The following NIBAN1 variants were observed in gnomAD, a reference collection of about 807,000 sequenced individuals.
NIBAN1 encodes the protein protein Niban 1.
Under a neutral mutation model 75.1 loss-of-function variants are expected in NIBAN1, and 81 were observed. The ratio of observed to expected loss-of-function variants is 1.08; its 90% CI spans 0.90 to 1.30. The LOEUF (loss-of-function observed/expected upper bound fraction) is 1.30, where lower values mean the gene tolerates loss of function less well. Among genes scored for constraint, NIBAN1 ranks in the 50% most tolerant of loss-of-function variants. The probability of loss-of-function intolerance (pLI) is 0.00; values close to 1 mark genes in which losing one functional copy is unlikely to be tolerated. For missense variants in NIBAN1, 1,133 were observed against 1,128.1 expected, an observed-to-expected ratio of 1.00 and a Z score of -0.06; for synonymous variants, 436 against 424.8, an observed-to-expected ratio of 1.03 and a Z score of -0.32.
chr1:184,840,283 A>T (rs1655247375), intron 5 of NIBAN1, among the ~76,000 whole-genome samples: 1 of 152,206 alleles, frequency 6.6e-6, no homozygotes, highest in Non-Finnish European at 1.5e-5. Context: ...TATATTTTAT[A>T]AACTATAATA....
intron 9 of NIBAN1, among the ~76,000 whole-genome samples, chr1:184,817,148 G>A (rs1269729738): frequency 6.6e-6 from 1 of 152,134 alleles, no homozygotes; most frequent in Non-Finnish European, 1.5e-5. Flanking sequence ...CCTTGTGATA[G>A]TTGGCTGAAA....
chr1:184,897,878 C>A (rs1160357141), intron 2 of NIBAN1, among the ~76,000 whole-genome samples: 1 of 152,182 alleles, frequency 6.6e-6, no homozygotes, highest in Non-Finnish European at 1.5e-5. Flanking sequence ...ATGACCATCA[C>A]CACCCCAGTC....
chr1:184,935,616 T>C (rs991639690), intron 1 of NIBAN1, among the ~76,000 whole-genome samples: 1 of 152,232 alleles, frequency 6.6e-6, no homozygotes, highest in Admixed American at 6.5e-5. Context: ...GAAATATATA[T>C]ATTTTTTTAA....
intron 2 of NIBAN1, among the ~76,000 whole-genome samples, chr1:184,895,044 T>C (rs1345900340): frequency 6.6e-6 from 1 of 152,116 alleles, no homozygotes; most frequent in African/African-American, 2.4e-5. Flanking sequence ...CTTCAGAAAC[T>C]TACCCCTCTA....
intron 5 of NIBAN1, among the ~76,000 whole-genome samples, chr1:184,873,782 A>C (rs928947868): frequency 1.3e-5 from 2 of 152,194 alleles, no homozygotes; most frequent in Non-Finnish European, 2.9e-5. Context: ...GTAAATAATG[A>C]CATTAAATAA....
intron 5 of NIBAN1, among the ~76,000 whole-genome samples, chr1:184,875,611 A>AGGCT (rs1433740608): frequency 2.6e-5 from 4 of 152,220 alleles, no homozygotes; most frequent in Non-Finnish European, 5.9e-5. Context: ...CTTCTGCCAC[A>AGGCT]GGCTGTTCAT....
chr1:184,877,606 G>T (rs1442837113), intron 5 of NIBAN1, among the ~76,000 whole-genome samples: 1 of 152,096 alleles, frequency 6.6e-6, no homozygotes, highest in Non-Finnish European at 1.5e-5. Flanking sequence ...AATAACAACA[G>T]ATGAGAATTT....
At chr1:184,851,180 C>T (rs1655526665) in intron 5 of NIBAN1, among the ~76,000 whole-genome samples, 1 of 6,352 alleles carries the variant, frequency 1.6e-4, no homozygotes, top group Non-Finnish European at 2.6e-4. Context: ...CACATGCACA[C>T]GTATGTTTAT....
At chr1:184,916,466 T>C (rs997256463) in intron 1 of NIBAN1, among the ~76,000 whole-genome samples, 14 of 150,326 alleles carry the variant, frequency 9.3e-5, no homozygotes, top group Non-Finnish European at 1.3e-4. Flanking sequence ...ACTACCACAG[T>C]AGATGGGGAA....
At chr1:184,961,654 C>T (rs1359919008) in intron 1 of NIBAN1, among the ~76,000 whole-genome samples, 1 of 152,186 alleles carries the variant, frequency 6.6e-6, no homozygotes, top group African/African-American at 2.4e-5. Flanking sequence ...AGAGAAATGG[C>T]TCTAACCCCA....
At chr1:184,871,427 AG>A (rs1656108368) in intron 5 of NIBAN1, among the ~76,000 whole-genome samples, 2 of 151,922 alleles carry the variant, frequency 1.3e-5, no homozygotes, top group South Asian at 4.2e-4. Context: ...GGGAGGATGA[AG>A]GCATGGATCA....
intron 5 of NIBAN1, among the ~76,000 whole-genome samples, chr1:184,860,228 C>T (rs1655780657): frequency 7.6e-6 from 1 of 130,874 alleles, no homozygotes; most frequent in African/African-American, 2.9e-5. Context: ...GTATGCAAAG[C>T]TGTAGGCAGG....
chr1:184,837,307 C>T (rs145523337), intron 5 of NIBAN1, among the ~76,000 whole-genome samples: 1 of 152,268 alleles, frequency 6.6e-6, no homozygotes, highest in East Asian at 1.9e-4. Context: ...AGCTATCAGC[C>T]CAAACTCTAC....
intron 1 of NIBAN1, among the ~76,000 whole-genome samples, chr1:184,962,223 A>G (rs1479060078): frequency 1.3e-5 from 2 of 152,232 alleles, no homozygotes; most frequent in African/African-American, 2.4e-5. Flanking sequence ...TAGCATATAC[A>G]AAAAGTTTGT....
At chr1:184,887,556 C>G (rs1273412025) in intron 4 of NIBAN1, among the ~76,000 whole-genome samples, 2 of 152,150 alleles carry the variant, frequency 1.3e-5, no homozygotes, top group African/African-American at 4.8e-5. Context: ...GTACCCTCCT[C>G]CTTTCCTTTT....
chr1:184,943,702 G>C lies in NIBAN1; in HGVS notation c.55+30600C>G, dbSNP rs373888125. ...ATCTTAGTACCAAGGTTATCAAAGAGAAGCAAATAATAATAATAATAAATA... is the reference window on the plus strand; with the variant it reads ...ATCTTAGTACCAAGGTTATCAAAGACAAGCAAATAATAATAATAATAAATA... On this transcript the variant is annotated intron_variant, in intron 1 of 13. Coordinates refer to ENST00000367511, the MANE Select transcript of NIBAN1 (RefSeq NM_052966.4). Among the ~76,000 whole-genome samples the C allele has an allele frequency of 2.6e-5, 4 of 152,108 alleles. No individual in the cohort carries two copies. The East Asian group carries it at 5.8e-4, about 22-fold the overall frequency.
intron 3 of NIBAN1, among the ~76,000 whole-genome samples, chr1:184,893,788 T>C (rs1656730829): frequency 6.6e-6 from 1 of 152,226 alleles, no homozygotes; most frequent in Admixed American, 6.5e-5. Flanking sequence ...AATCACTTGT[T>C]CAAAGTCTAT....
intron 1 of NIBAN1, among the ~76,000 whole-genome samples, chr1:184,965,452 A>T (rs561459504): frequency 1.4e-4 from 22 of 152,362 alleles, no homozygotes; most frequent in Admixed American, 1.2e-3. Context: ...TGCTACTGTG[A>T]ATAGTGCTGC....
Position 184,812,759 on chromosome 1 carries a change from A to G in NIBAN1, c.1174-4524T>C, listed in dbSNP as rs547073845. 3.9e-5 allele frequency among the ~76,000 whole-genome samples: 6 copies of G among 152,352 alleles called. No homozygotes were observed. In the South Asian group the frequency reaches 6.2e-4, roughly 16 times the overall value. ...TGGGAAGGGCAGTAGAGATTGCTCCATGCTGTAGCTCAGTAGCTAAGGTTT... is the reference window on the plus strand; with the variant it reads ...TGGGAAGGGCAGTAGAGATTGCTCCGTGCTGTAGCTCAGTAGCTAAGGTTT... On this transcript the variant is annotated intron_variant, in intron 9 of 13. Coordinates refer to ENST00000367511, the MANE Select transcript of NIBAN1 (RefSeq NM_052966.4).
Sources: allele counts gnomAD v4.1 joint callset (sites outside exome capture counted in the v4.1 genomes callset), GRCh38; gene constraint gnomAD v4.1.1; transcripts MANE v1.5; gene names NCBI Gene and HGNC (gene_info 2026-07-23, HGNC 2026-07-21).